The following GNPAT variants were observed in gnomAD, a reference collection of about 807,000 sequenced individuals.
The protein encoded by GNPAT is glyceronephosphate O-acyltransferase.
GNPAT carries 30 observed loss-of-function variants against 78.4 expected under a neutral mutation model. The observed-to-expected ratio is 0.38, with a 90% CI of 0.29 to 0.52. The LOEUF (loss-of-function observed/expected upper bound fraction) is 0.52, where lower values mean the gene tolerates loss of function less well. Ranked by LOEUF, GNPAT falls within the 20% of genes least tolerant of loss-of-function variation. The pLI is 0.84. For synonymous variants in GNPAT, 271 were observed against 281.1 expected (o/e 0.96, Z 0.36); for missense variants, 714 against 812.2 (o/e 0.88, Z 1.47).
At position 231,265,741 on chromosome 1, in the gene GNPAT, C is replaced by T. The variant is rs1486465597; in HGVS notation, c.726C>T (p.Leu242=). Residue 242 remains leucine, a synonymous_variant, in exon 6 of 16, where the codon CTC becomes CTT. Coordinates refer to ENST00000366647, the MANE Select transcript of GNPAT (RefSeq NM_014236.4). ...RNGYAPVEFF[L]EGTRSRSAKT... is the part of the protein sequence containing the mutation. ...GTTATGCTCCTGTTGAATTTTTCCT[C>T]GAAGGGACAAGAAGCCGCTCTGCCA... 25 of 1,606,412 alleles carry T rather than the reference C, an allele frequency of 1.6e-5. No homozygotes were observed. Among genetic ancestry groups the T allele is most frequent in the Non-Finnish European group, 2.1e-5 (25 of 1,173,028 alleles).
intron 4 of GNPAT, among the ~76,000 whole-genome samples, 155 bp from the exon 5 acceptor site, chr1:231,265,138 A>G (rs1325910207): frequency 1.3e-5 from 2 of 152,222 alleles, no homozygotes; most frequent in Non-Finnish European, 2.9e-5. Context: ...GGACTGCTTG[A>G]GGCCAGGAAG....
intron 13 of GNPAT, 25 bp downstream of exon 13, chr1:231,275,345 G>C (rs1685682227): frequency 6.3e-7 from 1 of 1,578,986 alleles, no homozygotes. Context: ...TGTGGGTGCT[G>C]ATTTCTTTTA....
rs1418645286 is a variant in GNPAT at position 231,241,385 on chromosome 1, T to C, written c.7T>C (p.Ser3Pro). ME[S>P]SSSSNSYFSV... ...CCGGGAAGGCAGCCGCACCATGGAG[T>C]CTTCCAGTTCATCTAACTCTTATTT... The change falls in exon 1 of 16, where the codon TCT (serine) becomes CCT (proline). Residue 3 changes from serine to proline, a missense_variant. By Grantham distance (74) the Ser-to-Pro change is moderately conservative (BLOSUM62 -1). Transcript: ENST00000366647. 1 of 1,612,860 alleles carries C rather than the reference T, an allele frequency of 6.2e-7. No homozygotes were observed. The highest frequency in any genetic ancestry group is 2.2e-5 in the East Asian group (1 of 44,834).
At chr1:231,259,398 A>G (rs1685157502) in intron 2 of GNPAT, among the ~76,000 whole-genome samples, 1 of 152,146 alleles carries the variant, frequency 6.6e-6, no homozygotes. Context: ...CTGTAATCCC[A>G]GCAATTTTGG....
intron 15 of GNPAT, among the ~76,000 whole-genome samples, chr1:231,276,541 T>G (rs995294217): frequency 1.3e-5 from 2 of 152,244 alleles, no homozygotes; most frequent in African/African-American, 4.8e-5. Context: ...CTGTCTGTCT[T>G]GCATTGCTTC....
At chr1:231,265,903 A>G in intron 6 of GNPAT, 111 bp from the exon 7 acceptor site, 1 of 1,074,352 alleles carries the variant, frequency 9.3e-7, no homozygotes, top group Non-Finnish European at 1.5e-6. Flanking sequence ...ATAACTGTTG[A>G]TATTTACGGG....
rs1685393701 is a variant in GNPAT, at chr1:231,266,502, C to T, written c.1055+95C>T. On this transcript the variant is annotated intron_variant, in intron 8 of 15. Coordinates refer to ENST00000366647, the MANE Select transcript of GNPAT (RefSeq NM_014236.4). The stretch of plus-strand genomic sequence containing the variant: ...GGAGTTGACCACTTCTCTTGATTTA[C>T]TTAAGATTACAGAGAAAATGATCAG... 4 of 997,860 alleles carry T rather than the reference C, an allele frequency of 4.0e-6. No individual in the cohort carries two copies. The Admixed American group carries it at 5.5e-5, about 14-fold the overall frequency. 61.8% of individuals were successfully genotyped at this position (997,860 alleles called of 1,614,324 possible). A position where few individuals can be genotyped will look rare whatever the true frequency, so the allele number is the denominator to read the frequency against.
At chr1:231,267,989 G>T in intron 9 of GNPAT, 86 bp downstream of exon 9, 1 of 857,260 alleles carries the variant, frequency 1.2e-6, no homozygotes, top group South Asian at 1.4e-5. Context: ...TAGAGGACTT[G>T]AGCAAAGGAT....
Position 231,241,235 on chromosome 1 carries a change from C to A in GNPAT, c.-144C>A. 1.3e-6 allele frequency: 2 copies of A among 1,483,958 alleles called. No homozygotes were observed. Among genetic ancestry groups the A allele is most frequent in the African/African-American group, 1.4e-5 (1 of 72,106 alleles). The allele number at this position is 1,483,958 out of a possible 1,614,324, so 91.9% of individuals were successfully genotyped here. A position where few individuals can be genotyped will look rare whatever the true frequency, so the allele number is the denominator to read the frequency against. ...TTCCGTCCTGGCTGAGATGGCGGCG[C>A]CCGGGATCCTGTGTAGCGGCTGCAG... On this transcript the variant is annotated 5_prime_UTR_variant, in exon 1 of 16. Coordinates refer to ENST00000366647, the MANE Select transcript of GNPAT (RefSeq NM_014236.4).
In GNPAT at chr1:231,249,170, A is replaced by G. The variant is rs566328938; in HGVS notation, c.79-1791A>G. On this transcript the variant is annotated intron_variant, in intron 1 of 15. Transcript: ENST00000366647. ...AGAGCGCAAACTGATACAACTATAT[A>G]TTTATTAATGAGAAATGTGGGATTT... Among the ~76,000 whole-genome samples the G allele has an allele frequency of 2.6e-5, 4 of 152,352 alleles. No individual in the cohort carries two copies. The South Asian group carries it at 8.3e-4, about 32-fold the overall frequency.
rs1465110197 is a variant in GNPAT at position 231,241,290 on chromosome 1, C to A, written c.-89C>A. On this transcript the variant is annotated 5_prime_UTR_variant, in exon 1 of 16. Transcript: ENST00000366647. ...TGCCGCCGCCCTAGGCGAAGTAGGG[C>A]CGTCCTGAGCGAAAGAACCGCCCCC... 58 of 1,399,336 alleles carry A rather than the reference C, an allele frequency of 4.1e-5. No homozygotes were observed. Among genetic ancestry groups the A allele is most frequent in the Non-Finnish European group, 5.7e-5 (56 of 984,518 alleles). The allele number at this position is 1,399,336 out of a possible 1,614,324, so 86.7% of individuals were successfully genotyped here.
At chr1:231,242,384 A>G (rs962108450) in intron 1 of GNPAT, among the ~76,000 whole-genome samples, 11 of 152,252 alleles carry the variant, frequency 7.2e-5, no homozygotes, top group African/African-American at 2.4e-4. Context: ...CAGGGATAAC[A>G]CAGCAGAGCA....
intron 2 of GNPAT, among the ~76,000 whole-genome samples, chr1:231,257,127 G>A (rs1013428771): frequency 6.6e-6 from 1 of 152,156 alleles, no homozygotes; most frequent in Non-Finnish European, 1.5e-5. Flanking sequence ...CTGCAGTCAC[G>A]GAGAAAGCAT....
rs1259100763 is a variant in GNPAT, at chr1:231,275,388, C to G, written c.1844-17C>G. 1 of 1,582,748 alleles carries G rather than the reference C, an allele frequency of 6.3e-7. No individual in the cohort carries two copies. The highest frequency in any genetic ancestry group is 2.2e-5 in the East Asian group (1 of 44,746). On this transcript the variant is annotated splice_polypyrimidine_tract_variant and intron_variant, in intron 13 of 15. Transcript: ENST00000366647. ...ATAGAAACTGGTCAACTAACTCTTC[C>G]TCACCCCCAATTTTAGGTACCTCTC...
chr1:231,242,392 G>T (rs1684637354), intron 1 of GNPAT, among the ~76,000 whole-genome samples: 1 of 152,186 alleles, frequency 6.6e-6, no homozygotes, highest in East Asian at 1.9e-4. Flanking sequence ...ACACAGCAGA[G>T]CAAGATAAAC....
chr1:231,244,770 A>G (rs776584019), intron 1 of GNPAT, among the ~76,000 whole-genome samples: 21 of 152,208 alleles, frequency 1.4e-4, no homozygotes, highest in Admixed American at 1.3e-3. Flanking sequence ...GGTTGTATCT[A>G]TAGCATTCGG....
Position 231,241,324 on chromosome 1 carries a change from C to T in GNPAT, c.-55C>T, listed in dbSNP as rs1684593863. On this transcript the variant is annotated 5_prime_UTR_variant, in exon 1 of 16. Coordinates refer to ENST00000366647, the MANE Select transcript of GNPAT (RefSeq NM_014236.4). Reference sequence around the variant, plus strand: ...GCGAAAGAACCGCCCCCAGCAGGAGCACCACCACGGCTTAGCAAAGAATCC... The same window carrying T: ...GCGAAAGAACCGCCCCCAGCAGGAGTACCACCACGGCTTAGCAAAGAATCC... 10 of 1,483,970 alleles carry T rather than the reference C, an allele frequency of 6.7e-6. No homozygotes were observed. In the South Asian group the frequency reaches 9.0e-5, roughly 13 times the overall value. The allele number at this position is 1,483,970 out of a possible 1,614,324, so 91.9% of individuals were successfully genotyped here. A position where few individuals can be genotyped will look rare whatever the true frequency, so the allele number is the denominator to read the frequency against.
At chr1:231,248,900 G>C (rs1408771887) in intron 1 of GNPAT, among the ~76,000 whole-genome samples, 2 of 152,206 alleles carry the variant, frequency 1.3e-5, no homozygotes, top group Non-Finnish European at 2.9e-5. Flanking sequence ...GCCTAGGTAT[G>C]TAGTAGGCTA....
At chr1:231,266,472 A>T in intron 8 of GNPAT, 65 bp downstream of exon 8, 1 of 1,313,582 alleles carries the variant, frequency 7.6e-7, no homozygotes, top group East Asian at 2.3e-5. Flanking sequence ...GTGAGTTGCA[A>T]TGCTGGAGTT....
Sources: gnomAD v4.1 joint callset for allele counts (sites outside exome capture counted in the v4.1 genomes callset) on GRCh38, gnomAD v4.1.1 for gene constraint, MANE v1.5 for transcripts, NCBI Gene and HGNC (gene_info 2026-07-23, HGNC 2026-07-21) for gene names.